ZFHX3: variants seen among roughly 807,000 people sequenced by gnomAD.
ZFHX3 encodes the protein zinc finger homeobox 3.
ZFHX3 carries 42 observed loss-of-function variants against 279.1 expected under a neutral mutation model. That is an observed-to-expected ratio of 0.15 (90% CI 0.12 to 0.19). The LOEUF (loss-of-function observed/expected upper bound fraction) is 0.19, where lower values mean the gene tolerates loss of function less well. Ranked by LOEUF, ZFHX3 falls within the 10% of genes least tolerant of loss-of-function variation. ZFHX3 has a pLI of 1.00. For missense variants in ZFHX3, 4,981 were observed against 4,754.0 expected, an observed-to-expected ratio of 1.05 and a Z score of -1.40; for synonymous variants, 2,293 against 1,957.8, an observed-to-expected ratio of 1.17 and a Z score of -4.52.
intron 2 of ZFHX3, among the ~76,000 whole-genome samples, chr16:73,555,832 CAAA>C (rs1204021861): frequency 8.1e-6 from 1 of 123,226 alleles, no homozygotes; most frequent in Non-Finnish European, 1.7e-5. Context: ...AACTCCATCT[CAAA>C]AAAAAAAAAA....
Position 73,457,631 on chromosome 16 carries a change from GGCGTAGTGGCGCATGCCTGTATTCCCA to G in ZFHX3, c.-1546-1400_-1546-1374del, listed in dbSNP as rs1194370936. On this transcript the variant is annotated intron_variant, in intron 2 of 17. Transcript: ENST00000641206. The stretch of plus-strand genomic sequence containing the variant: ...CTACTAAAAATACAAAAATTAACCT[GGCGTAGTGGCGCATGCCTGTATTCCCA>G]GCTCTCCTGGGAAGGCTGAGGCATG... 2.6e-5 allele frequency among the ~76,000 whole-genome samples: 4 copies of G among 152,272 alleles called. No individual in the cohort carries two copies. In the East Asian group the frequency reaches 7.7e-4, roughly 29 times the overall value.
At chr16:73,876,740 G>C (rs770261847) in intron 1 of ZFHX3, among the ~76,000 whole-genome samples, 15 of 152,116 alleles carry the variant, frequency 9.9e-5, no homozygotes, top group Non-Finnish European at 1.9e-4. Flanking sequence ...AACTAGAAAA[G>C]ACTGCATTTC....
At chr16:73,249,004 T>C (rs1380513811) in intron 5 of ZFHX3, among the ~76,000 whole-genome samples, 1 of 152,216 alleles carries the variant, frequency 6.6e-6, no homozygotes, top group Non-Finnish European at 1.5e-5. Context: ...CTTCAAACTT[T>C]TGTGCTCAGT....
At position 72,916,445 on chromosome 16, in the gene ZFHX3, C is replaced by A. The variant is rs140392938; in HGVS notation, c.3217-26483G>T. Among the ~76,000 whole-genome samples, 637 of 152,298 alleles carry A rather than the reference C, an allele frequency of 4.2e-3. 11 individuals are homozygous for A. Among genetic ancestry groups the A allele is most frequent in the Admixed American group, 0.037 (569 of 15,302 alleles). Reference sequence around the variant, plus strand: ...AGTAAAATATAATTATCCAGGTGGACCTCTCCTGTCCAGCGTTTCTAATAA... The same window carrying A: ...AGTAAAATATAATTATCCAGGTGGAACTCTCCTGTCCAGCGTTTCTAATAA... On this transcript the variant is annotated intron_variant, in intron 3 of 9. Coordinates refer to ENST00000268489, the MANE Select transcript of ZFHX3 (RefSeq NM_006885.4).
chr16:73,619,522 C>G (rs1385414499), intron 2 of ZFHX3, among the ~76,000 whole-genome samples: 1 of 141,812 alleles, frequency 7.1e-6, no homozygotes, highest in Non-Finnish European at 1.5e-5. Flanking sequence ...ATATATATGT[C>G]TGTAAGCTAT....
intron 5 of ZFHX3, among the ~76,000 whole-genome samples, chr16:73,242,344 T>C (rs1216091668): frequency 6.6e-6 from 1 of 152,160 alleles, no homozygotes; most frequent in Non-Finnish European, 1.5e-5. Context: ...AACTATGAAC[T>C]GTCTGCCACC....
intron 2 of ZFHX3, among the ~76,000 whole-genome samples, chr16:73,522,700 A>G (rs974678295): frequency 3.9e-5 from 6 of 152,020 alleles, no homozygotes; most frequent in African/African-American, 1.4e-4. Flanking sequence ...CCTTGTGTCT[A>G]CTCTGTGCCA....
chr16:73,252,925 A>G (rs1206560011), intron 5 of ZFHX3, among the ~76,000 whole-genome samples: 1 of 152,216 alleles, frequency 6.6e-6, no homozygotes, highest in East Asian at 1.9e-4. Flanking sequence ...AGGGGAGCTT[A>G]GAGAGAATGA....
rs113672211 is a variant in ZFHX3 at position 73,881,449 on chromosome 16, ACACACTCTCT to A, written c.-1608+10192_-1608+10201del. 2.9e-3 allele frequency among the ~76,000 whole-genome samples: 313 copies of A among 106,438 alleles called. 2 individuals are homozygous for A. The highest frequency in any genetic ancestry group is 0.012 in the African/African-American group (304 of 25,430). The allele number at this position is 106,438 out of a possible 152,430, so 69.8% of individuals were successfully genotyped here. On this transcript the variant is annotated intron_variant, in intron 1 of 17. Coordinates refer to the ZFHX3 transcript ENST00000641206. ...TGATCACACTCACACACACACACAC[ACACACTCTCT>A]CTCTCTCTCTCTCTCTCTCTGCCCC...
chr16:72,856,166 G>A (rs1234823096), intron 4 of ZFHX3, among the ~76,000 whole-genome samples: 3 of 152,220 alleles, frequency 2.0e-5, no homozygotes, highest in Admixed American at 1.3e-4. Flanking sequence ...AGGGGGGAAA[G>A]AAACTGATGA....
At chr16:72,976,065 C>T (rs916200725) in intron 1 of ZFHX3, among the ~76,000 whole-genome samples, 2 of 152,124 alleles carry the variant, frequency 1.3e-5, no homozygotes, top group Non-Finnish European at 2.9e-5. Flanking sequence ...AGATCAAGAC[C>T]CTGTGCTAAG....
intron 2 of ZFHX3, among the ~76,000 whole-genome samples, chr16:73,519,397 C>G (rs2019575335): frequency 2.6e-5 from 4 of 152,060 alleles, no homozygotes; most frequent in Admixed American, 2.6e-4. Context: ...ATTTATTTAT[C>G]AATTATTATC....
chr16:73,129,954 G>C lies in ZFHX3; in HGVS notation c.-897+1014C>G, dbSNP rs145556462. Among the ~76,000 whole-genome samples the C allele has an allele frequency of 4.0e-3, 610 of 152,272 alleles. 2 individuals are homozygous for C. Among genetic ancestry groups the C allele is most frequent in the Non-Finnish European group, 7.0e-3 (476 of 68,022 alleles). On this transcript the variant is annotated intron_variant, in intron 7 of 17. Transcript: ENST00000641206. Reference sequence around the variant, plus strand: ...AGGCAAAAGCAGGAAAACAGGGAAAGCGTCTAACCCGAGAGCATTGCCAGT... The same window carrying C: ...AGGCAAAAGCAGGAAAACAGGGAAACCGTCTAACCCGAGAGCATTGCCAGT...
chr16:73,350,105 G>A (rs1190427405), intron 3 of ZFHX3, among the ~76,000 whole-genome samples: 1 of 151,164 alleles, frequency 6.6e-6, no homozygotes, highest in Non-Finnish European at 1.5e-5. Flanking sequence ...AAGCAAAACA[G>A]TTTGAGGGAG....
At chr16:73,783,139 A>T (rs113839627) in intron 1 of ZFHX3, among the ~76,000 whole-genome samples, 171 of 152,246 alleles carry the variant, frequency 1.1e-3, no homozygotes, top group Non-Finnish European at 2.1e-3. Flanking sequence ...GTTGGCTTTG[A>T]TGGCTCAGAG....
chr16:73,397,947 T>C (rs80032237), intron 3 of ZFHX3, among the ~76,000 whole-genome samples: 2 of 152,104 alleles, frequency 1.3e-5, no homozygotes, highest in South Asian at 4.1e-4. Flanking sequence ...CAGGTTCAAG[T>C]GATCCTTCTG....
At chr16:73,669,211 G>A (rs1048552358) in intron 2 of ZFHX3, among the ~76,000 whole-genome samples, 4 of 151,912 alleles carry the variant, frequency 2.6e-5, no homozygotes, top group South Asian at 4.1e-4. Context: ...GTGCCACTAC[G>A]CCCTGCTAAT....
At chr16:72,998,890 G>T (rs956564491) in intron 1 of ZFHX3, among the ~76,000 whole-genome samples, 1 of 152,048 alleles carries the variant, frequency 6.6e-6, no homozygotes, top group African/African-American at 2.4e-5. Flanking sequence ...CGTCTCTCTG[G>T]GGCTTGTCCA....
chr16:73,222,858 G>T (rs532398842), intron 5 of ZFHX3, among the ~76,000 whole-genome samples: 1 of 152,186 alleles, frequency 6.6e-6, no homozygotes, highest in Admixed American at 6.5e-5. Flanking sequence ...AAAGTATTGG[G>T]TAAAAAGATA....
Sources: gnomAD v4.1 joint callset for allele counts (sites outside exome capture counted in the v4.1 genomes callset) on GRCh38, gnomAD v4.1.1 for gene constraint, MANE v1.5 for transcripts, NCBI Gene and HGNC (gene_info 2026-07-23, HGNC 2026-07-21) for gene names.